Variants in SPNS2 observed in about 807,000 individuals in gnomAD.
The protein encoded by SPNS2 is sphingosine-1-phosphate transporter SPNS2.
A neutral mutation model predicts 57.6 loss-of-function variants in SPNS2; 37 were observed. The observed-to-expected ratio is 0.64, with a 90% CI of 0.49 to 0.85. The LOEUF (loss-of-function observed/expected upper bound fraction) is 0.85. Among genes scored for constraint, SPNS2 ranks in the 40% least tolerant of loss-of-function variants. The pLI is 0.00. For synonymous variants in SPNS2, 440 were observed against 346.9 expected (o/e 1.27, Z -2.98); for missense variants, 831 against 779.1 (o/e 1.07, Z -0.79).
chr17:4,537,011 C>T (rs951351350), intron 12 of SPNS2, 65 bp downstream of exon 12: 11 of 1,563,346 alleles, frequency 7.0e-6, no homozygotes, highest in Non-Finnish European at 9.6e-6. Context: ...GGTTAGGCAA[C>T]AGGGAGCACT....
At chr17:4,526,618 A>G (rs1478205112) in intron 3 of SPNS2, among the ~76,000 whole-genome samples, 2 of 151,548 alleles carry the variant, frequency 1.3e-5, no homozygotes, top group Non-Finnish European at 2.9e-5. Flanking sequence ...AAAAAAAAAG[A>G]AAAAGAAAGA....
At chr17:4,517,802 G>T (rs1905034207) in intron 2 of SPNS2, among the ~76,000 whole-genome samples, 1 of 152,164 alleles carries the variant, frequency 6.6e-6, no homozygotes, top group Admixed American at 6.5e-5. Context: ...GGAAAGGATA[G>T]GACTTGTAAG....
chr17:4,507,059 C>T (rs1456056024), intron 1 of SPNS2, among the ~76,000 whole-genome samples: 1 of 152,176 alleles, frequency 6.6e-6, no homozygotes, highest in East Asian at 1.9e-4. Flanking sequence ...TGCCTTGGCC[C>T]AGTCCCTAGG....
At chr17:4,536,691 TCTTA>T (rs1233628222) in intron 11 of SPNS2, 5 of 633,482 alleles carry the variant, frequency 7.9e-6, no homozygotes, top group Admixed American at 5.6e-5. Context: ...CTCCCCTTCC[TCTTA>T]CTTTCTGACT....
intron 1 of SPNS2, among the ~76,000 whole-genome samples, chr17:4,502,174 G>C (rs973379296): frequency 6.6e-6 from 1 of 151,496 alleles, no homozygotes; most frequent in African/African-American, 2.4e-5. Flanking sequence ...TCGGAAGTTC[G>C]AGACCAGCCT....
chr17:4,503,753 T>A (rs937240604), intron 1 of SPNS2, among the ~76,000 whole-genome samples: 2 of 151,994 alleles, frequency 1.3e-5, no homozygotes, highest in African/African-American at 2.4e-5. Context: ...TTGGGTGGAG[T>A]GGGGGCTGTT....
chr17:4,533,573 C>G (rs1905603951), intron 8 of SPNS2, 141 bp downstream of exon 8: 2 of 1,085,222 alleles, frequency 1.8e-6, no homozygotes, highest in African/African-American at 3.2e-5. Context: ...CTGCTCATCC[C>G]CAGCCTGGCC....
chr17:4,525,703 A>G (rs1285677064), intron 3 of SPNS2, among the ~76,000 whole-genome samples: 2 of 152,108 alleles, frequency 1.3e-5, no homozygotes, highest in African/African-American at 2.4e-5. Flanking sequence ...GAATATCCCA[A>G]CTTTGTTTCC....
chr17:4,502,070 T>C (rs994011735), intron 1 of SPNS2, among the ~76,000 whole-genome samples: 2 of 152,158 alleles, frequency 1.3e-5, no homozygotes, highest in Non-Finnish European at 2.9e-5. Context: ...TATTTCAACA[T>C]GTAATCAATA....
chr17:4,513,564 G>GGCAGAGGTT (rs1165441869), intron 2 of SPNS2, among the ~76,000 whole-genome samples: 1 of 152,218 alleles, frequency 6.6e-6, no homozygotes, highest in Non-Finnish European at 1.5e-5. Flanking sequence ...GGAGAGTGCA[G>GGCAGAGGTT]GCAGAGGTTG....
In SPNS2 at chr17:4,538,893, A is replaced by G; in HGVS notation, c.*1445A>G. The G allele has an allele frequency of 2.6e-6, 2 of 781,276 alleles. No individual in the cohort carries two copies. Among genetic ancestry groups the G allele is most frequent in the Non-Finnish European group, 2.4e-6 (1 of 418,308 alleles). The allele number at this position is 781,276 out of a possible 1,614,324, so 48.4% of individuals were successfully genotyped here. On this transcript the variant is annotated 3_prime_UTR_variant, in exon 13 of 13. Coordinates refer to ENST00000329078, the MANE Select transcript of SPNS2 (RefSeq NM_001124758.3). ...GATGTTTTCTTGTTGTACAAGAACC[A>G]GGTCCGAGTGTTGCCTCCTCTTCCT...
Position 4,530,746 on chromosome 17 carries a change from A to G in SPNS2, c.688A>G (p.Met230Val), listed in dbSNP as rs1905429959. The G allele has an allele frequency of 1.2e-6, 2 of 1,613,840 alleles. No homozygotes were observed. Among genetic ancestry groups the G allele is most frequent in the African/African-American group, 1.3e-5 (1 of 74,906 alleles). ...DLFTKNTRTLMLSVFYFAIPL... is the reference protein window; with the variant it reads ...DLFTKNTRTLVLSVFYFAIPL... ...CTTCACCAAGAACACGCGTACGCTCATGCTGTCCGTCTTCTACTTCGCCAT... is the reference window on the plus strand; with the variant it reads ...CTTCACCAAGAACACGCGTACGCTCGTGCTGTCCGTCTTCTACTTCGCCAT... The change falls in exon 4 of 13, where the codon ATG becomes GTG. Residue 230 changes from methionine to valine, a missense_variant. Transcript: ENST00000329078.
intron 11 of SPNS2, 180 bp downstream of exon 11, chr17:4,536,606 G>A: frequency 2.5e-6 from 2 of 799,024 alleles, no homozygotes; most frequent in African/African-American, 1.7e-5. Flanking sequence ...TGGAGCTGTG[G>A]GAGGCCACGG....
rs1354478278 is a variant in SPNS2, at chr17:4,512,711, C to CACGT, written c.371-535_371-532dup. On this transcript the variant is annotated intron_variant, in intron 1 of 12. Coordinates refer to ENST00000329078, the MANE Select transcript of SPNS2 (RefSeq NM_001124758.3). This position sits in a 1 kb window ranked among gnomAD's most constrained non-coding sequence, Gnocchi z 5.2. ...ATGCATGTGTGCAGGTGTGTGCACA[C>CACGT]ACGTGCGTGCGTGTGCAGGTGTGTG... is the stretch of plus-strand genomic sequence containing the variant. Among the ~76,000 whole-genome samples, 1 of 149,270 alleles carries CACGT rather than the reference C, an allele frequency of 6.7e-6. No individual in the cohort carries two copies. Among genetic ancestry groups the CACGT allele is most frequent in the Non-Finnish European group, 1.5e-5 (1 of 67,840 alleles).
At chr17:4,535,750 A>G (rs771411911) in intron 9 of SPNS2, among the ~76,000 whole-genome samples, 12 of 152,170 alleles carry the variant, frequency 7.9e-5, no homozygotes, top group African/African-American at 2.7e-4. Flanking sequence ...TTTGAGGCCA[A>G]TGACGCTTTC....
intron 2 of SPNS2, among the ~76,000 whole-genome samples, chr17:4,516,680 A>C (rs2144330101): frequency 1.3e-5 from 2 of 152,340 alleles, no homozygotes; most frequent in South Asian, 4.1e-4. Context: ...TCAGTGTGTG[A>C]GATCGAGTAG....
Position 4,532,656 on chromosome 17 carries a change from C to A in SPNS2, c.907C>A (p.Leu303Ile), listed in dbSNP as rs1294986486. ...GDQLKARTSW[L>I]RDMKALIRNR... ...CCAGCTCAAGGCCCGGACCTCATGGCTCCGAGATATGAAGGCCCTGATTCG... is the reference window on the plus strand; with the variant it reads ...CCAGCTCAAGGCCCGGACCTCATGGATCCGAGATATGAAGGCCCTGATTCG... Residue 303 changes from leucine to isoleucine, a missense_variant, in exon 6 of 13, where the codon CTC (leucine) becomes ATC (isoleucine). By Grantham distance (5) the Leu-to-Ile change is conservative. This residue lies in a region of SPNS2 where 526 missense variants were observed against 400.9 expected (regional missense o/e 1.31). Coordinates refer to ENST00000329078, the MANE Select transcript of SPNS2 (RefSeq NM_001124758.3). 14 of 1,614,036 alleles carry A rather than the reference C, an allele frequency of 8.7e-6. No individual in the cohort carries two copies. The African/African-American group carries it at 1.6e-4, about 18-fold the overall frequency.
chr17:4,531,255 C>A, intron 5 of SPNS2, 136 bp downstream of exon 5: 1 of 784,204 alleles, frequency 1.3e-6, no homozygotes. Flanking sequence ...GAAATCCCTG[C>A]CCTTCCAGAT....
Position 4,536,306 on chromosome 17 carries a change from G to C in SPNS2, c.1487G>C (p.Trp496Ser), listed in dbSNP as rs1473089030. 3 of 1,612,642 alleles carry C rather than the reference G, an allele frequency of 1.9e-6. No homozygotes were observed. The highest frequency in any genetic ancestry group is 4.5e-5 in the East Asian group (2 of 44,884). ...IRQSTKDSPL[W>S]EFLSLGYALM... ...CAGAGCACTAAGGACTCCCCGCTCT[G>C]GGAGTTCCTGAGCCTGGGCTACGCG... is the stretch of plus-strand genomic sequence containing the variant. The change falls in exon 11 of 13, where the codon TGG becomes TCG. Residue 496 changes from tryptophan to serine, a missense_variant. Trp to Ser is a radical substitution (Grantham distance 177, BLOSUM62 -3). Around this residue, in one of 2 missense-constraint regions of SPNS2, gnomAD observed 526 missense variants for 400.9 expected, o/e 1.31. Coordinates refer to ENST00000329078, the MANE Select transcript of SPNS2 (RefSeq NM_001124758.3).
Sources: gnomAD v4.1 joint callset for allele counts (sites outside exome capture counted in the v4.1 genomes callset) on GRCh38, gnomAD v4.1.1 for gene constraint, gnomAD v4.1.1 regional missense constraint, Gnocchi (gnomAD v3.1) non-coding constraint, MANE v1.5 for transcripts, NCBI Gene and HGNC (gene_info 2026-07-23, HGNC 2026-07-21) for gene names.